PABPC4L: variants seen among roughly 807,000 people sequenced by gnomAD.
The protein encoded by PABPC4L is poly(A) binding protein cytoplasmic 4 like.
For synonymous variants in PABPC4L, 169 were observed against 164.1 expected (o/e 1.03, Z -0.23); for missense variants, 452 against 451.4 (o/e 1.00, Z -0.01).
At chr4:134,175,605 C>T in the PABPC4L span, among the ~76,000 whole-genome samples, 2 of 151,938 alleles carry the variant, frequency 1.3e-5, no homozygotes, top group Non-Finnish European at 2.9e-5. Flanking sequence ...TGTGCCATCA[C>T]GTCTGGCTAA....
chr4:134,001,567 G>C, the PABPC4L span, among the ~76,000 whole-genome samples: 1 of 152,024 alleles, frequency 6.6e-6, no homozygotes, highest in Non-Finnish European at 1.5e-5. Flanking sequence ...CCATTTGTGA[G>C]AATGAAAGAA....
chr4:134,190,771 C>A, the PABPC4L span, among the ~76,000 whole-genome samples: 175 of 152,154 alleles, frequency 1.2e-3, no homozygotes, highest in African/African-American at 3.8e-3. Flanking sequence ...CTTGCCTCAG[C>A]CTCCCCAGTA....
At chr4:133,995,510 G>A in the PABPC4L span, among the ~76,000 whole-genome samples, 3 of 152,120 alleles carry the variant, frequency 2.0e-5, no homozygotes, top group Non-Finnish European at 4.4e-5. Flanking sequence ...TCAGCGGCCT[G>A]GGTATGACTA....
the PABPC4L span, among the ~76,000 whole-genome samples, chr4:134,139,681 ATTCTT>A: frequency 7.2e-6 from 1 of 139,788 alleles, no homozygotes; most frequent in Non-Finnish European, 1.5e-5. Flanking sequence ...CTTAACATTC[ATTCTT>A]TTATTTTTTT....
At chr4:134,120,527 T>C in the PABPC4L span, among the ~76,000 whole-genome samples, 777 of 150,956 alleles carry the variant, frequency 5.1e-3, 11 homozygotes, top group African/African-American at 0.018. Flanking sequence ...TAAACAATTG[T>C]TTCATGAAGG....
the PABPC4L span, among the ~76,000 whole-genome samples, chr4:134,172,714 C>T: frequency 1.1e-4 from 16 of 151,832 alleles, no homozygotes; most frequent in Non-Finnish European, 1.8e-4. Context: ...CTATCTATAT[C>T]GTTTAAAAGT....
chr4:134,178,883 A>C, the PABPC4L span, among the ~76,000 whole-genome samples: 1 of 152,216 alleles, frequency 6.6e-6, no homozygotes, highest in Non-Finnish European at 1.5e-5. Context: ...CATCTGAGGA[A>C]AAAAATGGGA....
At chr4:133,974,362 A>T in the PABPC4L span, among the ~76,000 whole-genome samples, 1 of 152,156 alleles carries the variant, frequency 6.6e-6, no homozygotes, top group Non-Finnish European at 1.5e-5. Flanking sequence ...CTTAAAATAG[A>T]TCAGAGATGT....
At chr4:134,175,392 CTTT>C in the PABPC4L span, among the ~76,000 whole-genome samples, 3 of 151,144 alleles carry the variant, frequency 2.0e-5, no homozygotes, top group African/African-American at 7.3e-5. Flanking sequence ...ATGATCTGAC[CTTT>C]TTTTAATAAT....
chr4:134,152,433 T>A, the PABPC4L span, among the ~76,000 whole-genome samples: 5 of 152,278 alleles, frequency 3.3e-5, no homozygotes, highest in East Asian at 7.7e-4. Context: ...AGTGGCCCCA[T>A]TTCCACAGCT....
At chr4:134,119,999 G>T in the PABPC4L span, among the ~76,000 whole-genome samples, 18 of 151,612 alleles carry the variant, frequency 1.2e-4, no homozygotes, top group Admixed American at 1.2e-3. Context: ...AACATTGATA[G>T]CAATCATTTG....
At chr4:134,038,818 C>T in the PABPC4L span, among the ~76,000 whole-genome samples, 18 of 152,022 alleles carry the variant, frequency 1.2e-4, no homozygotes, top group African/African-American at 4.1e-4. Context: ...ATATCTCTAC[C>T]TTCTTCAGTT....
At chr4:134,168,594 T>C in the PABPC4L span, among the ~76,000 whole-genome samples, 1 of 151,786 alleles carries the variant, frequency 6.6e-6, no homozygotes, top group African/African-American at 2.4e-5. Flanking sequence ...GCATTACAAA[T>C]GATACCACAG....
At chr4:133,978,540 C>T in the PABPC4L span, among the ~76,000 whole-genome samples, 11 of 150,682 alleles carry the variant, frequency 7.3e-5, no homozygotes, top group South Asian at 2.1e-4. Flanking sequence ...AGCTTGAGCC[C>T]GGGAGGTGGA....
the PABPC4L span, among the ~76,000 whole-genome samples, chr4:134,047,050 A>C: frequency 6.6e-6 from 1 of 152,180 alleles, no homozygotes; most frequent in South Asian, 2.1e-4. Flanking sequence ...GGCAGAGTCT[A>C]AGTCTACAAG....
the PABPC4L span, among the ~76,000 whole-genome samples, chr4:134,189,334 T>TG: frequency 1.0e-3 from 158 of 151,950 alleles, no homozygotes; most frequent in Middle Eastern, 3.4e-3. Flanking sequence ...CATTTTGCCA[T>TG]TTAGTATATT....
chr4:133,950,097 A>C, the PABPC4L span, among the ~76,000 whole-genome samples: 1 of 152,258 alleles, frequency 6.6e-6, no homozygotes, highest in Admixed American at 6.5e-5. Flanking sequence ...GGGGTGTGGT[A>C]ATCTTATCTG....
chr4:133,987,147 A>G, the PABPC4L span, among the ~76,000 whole-genome samples: 5 of 152,108 alleles, frequency 3.3e-5, no homozygotes, highest in African/African-American at 1.2e-4. Context: ...TTGTTTTGCT[A>G]GGGATTTGGT....
the PABPC4L span, among the ~76,000 whole-genome samples, chr4:134,114,537 G>A: frequency 1.3e-5 from 2 of 151,782 alleles, no homozygotes; most frequent in African/African-American, 2.4e-5. Context: ...ATGAGGAACT[G>A]GGGGAAGGAC....
Sources: gnomAD v4.1 joint callset for allele counts (sites outside exome capture counted in the v4.1 genomes callset) on GRCh38, gnomAD v4.1.1 for gene constraint, MANE v1.5 for transcripts, NCBI Gene and HGNC (gene_info 2026-07-23, HGNC 2026-07-21) for gene names.